Variants in BTBD9 observed in about 807,000 individuals in gnomAD.
BTBD9 encodes BTB domain containing 9, also known as BTB/POZ domain-containing protein 9.
A neutral mutation model predicts 64.3 loss-of-function variants in BTBD9; 49 were observed. The observed-to-expected ratio is 0.76, with a 90% confidence interval of 0.61 to 0.97. The LOEUF (loss-of-function observed/expected upper bound fraction) is 0.97. Ranked by LOEUF, BTBD9 falls within the 50% of genes least tolerant of loss-of-function variation. The pLI is 0.00. For missense variants in BTBD9, 598 were observed against 762.1 expected, an observed-to-expected ratio of 0.78 and a Z score of 2.53; for synonymous variants, 260 against 274.7, an observed-to-expected ratio of 0.95 and a Z score of 0.53.
At chr6:38,617,265 T>C (rs112221312) in intron 1 of BTBD9, among the ~76,000 whole-genome samples, 2,386 of 152,238 alleles carry the variant, frequency 0.016, 43 homozygotes, top group African/African-American at 0.053. Context: ...AAAAAGTTGG[T>C]TGACCCTGCA....
At chr6:38,601,940 A>G (rs1051534092) in intron 1 of BTBD9, among the ~76,000 whole-genome samples, 1 of 152,250 alleles carries the variant, frequency 6.6e-6, no homozygotes, top group African/African-American at 2.4e-5. Flanking sequence ...TCTGCAATTT[A>G]TAATTGCAAA....
chr6:38,529,515 A>G (rs1773682842), intron 6 of BTBD9, among the ~76,000 whole-genome samples: 1 of 152,138 alleles, frequency 6.6e-6, no homozygotes. Flanking sequence ...CAAATACCTA[A>G]TCTCAGTGTC....
chr6:38,421,866 T>A (rs1767917996), intron 6 of BTBD9, among the ~76,000 whole-genome samples: 1 of 152,166 alleles, frequency 6.6e-6, no homozygotes, highest in South Asian at 2.1e-4. Context: ...AGTATAAATA[T>A]GAAATGCAGA....
intron 6 of BTBD9, among the ~76,000 whole-genome samples, chr6:38,571,005 G>A (rs879531353): frequency 6.6e-6 from 1 of 152,206 alleles, no homozygotes; most frequent in East Asian, 1.9e-4. Flanking sequence ...AGAAGAAAAT[G>A]TTCCTCTATG....
At chr6:38,180,296 G>A (rs548312444) in intron 10 of BTBD9, among the ~76,000 whole-genome samples, 7 of 152,340 alleles carry the variant, frequency 4.6e-5, no homozygotes, top group African/African-American at 7.2e-5. Context: ...TGGTGGCCAC[G>A]CTGCTGGGGC....
intron 10 of BTBD9, chr6:38,179,601 C>T (rs1413897220): frequency 2.2e-6 from 1 of 456,792 alleles, no homozygotes; most frequent in Admixed American, 2.3e-5. Context: ...CAGGACCTCT[C>T]AGGCAGTTGG....
At chr6:38,546,452 A>G (rs1774558573) in intron 6 of BTBD9, among the ~76,000 whole-genome samples, 1 of 152,188 alleles carries the variant, frequency 6.6e-6, no homozygotes, top group Admixed American at 6.5e-5. Context: ...TTTTAATGCA[A>G]ATATACTTCA....
intron 6 of BTBD9, among the ~76,000 whole-genome samples, chr6:38,507,809 A>G (rs917034276): frequency 4.0e-5 from 6 of 151,474 alleles, no homozygotes; most frequent in African/African-American, 1.5e-4. Flanking sequence ...GTTACTATCA[A>G]TATGAAAATG....
rs151178015 is a variant in BTBD9 at position 38,184,839 on chromosome 6, G to A, written c.1641+7680C>T. On this transcript the variant is annotated intron_variant, in intron 10 of 10. Coordinates refer to ENST00000481247, the MANE Select transcript of BTBD9 (RefSeq NM_001099272.2). This position sits in a 1 kb window ranked among gnomAD's most constrained non-coding sequence, Gnocchi z 4.4. ...TAGAGCCACATGTTGCTATGGGAAC[G>A]AGGGTGGCATGGGAGCCCAGAGCCA... Among the ~76,000 whole-genome samples the A allele has an allele frequency of 1.2e-3, 177 of 152,238 alleles. 1 individual carries two copies. Among genetic ancestry groups the A allele is most frequent in the Admixed American group, 2.7e-3 (42 of 15,296 alleles).
At chr6:38,416,134 C>A (rs1214983915) in intron 6 of BTBD9, among the ~76,000 whole-genome samples, 4 of 152,242 alleles carry the variant, frequency 2.6e-5, no homozygotes, top group African/African-American at 9.6e-5. Flanking sequence ...TGATTAGCCA[C>A]TGGGAGGTGG....
intron 9 of BTBD9, among the ~76,000 whole-genome samples, chr6:38,221,839 G>A (rs1763207432): frequency 6.6e-6 from 1 of 151,874 alleles, no homozygotes; most frequent in Non-Finnish European, 1.5e-5. Context: ...AAAAATACAG[G>A]AATTAGCCAG....
chr6:38,588,736 TC>T (rs1203906496), intron 4 of BTBD9, among the ~76,000 whole-genome samples: 1 of 152,188 alleles, frequency 6.6e-6, no homozygotes, highest in Non-Finnish European at 1.5e-5. Context: ...TATAGCAACT[TC>T]TTAGTTATTT....
In BTBD9 at chr6:38,288,283, A is replaced by C. The variant is rs1761823211; in HGVS notation, c.1443T>G (p.Ile481Met). Reference protein sequence around the residue: ...IVVQLAQPYMIGSIRLLLWDC... With the variant: ...IVVQLAQPYMMGSIRLLLWDC... ...AGGAATCTTCTTACCGTATTGACCC[A>C]ATCATGTACGGTTGTGCCAACTGAA... Residue 481 changes from isoleucine to methionine, a missense_variant, in exon 8 of 11, where the codon ATT (isoleucine) becomes ATG (methionine). By Grantham distance (10) the Ile-to-Met change is conservative. Coordinates refer to ENST00000481247, the MANE Select transcript of BTBD9 (RefSeq NM_001099272.2). 10 of 1,613,904 alleles carry C rather than the reference A, an allele frequency of 6.2e-6. No homozygotes were observed. The East Asian group carries it at 1.8e-4, about 29-fold the overall frequency.
At chr6:38,610,710 A>C (rs190571966) in intron 1 of BTBD9, among the ~76,000 whole-genome samples, 1 of 152,302 alleles carries the variant, frequency 6.6e-6, no homozygotes, top group East Asian at 1.9e-4. Flanking sequence ...GTAGTCCTTC[A>C]AGCTCTAAAA....
In BTBD9 at chr6:38,513,311, G is replaced by A. The variant is rs368388658; in HGVS notation, c.1154+64289C>T. Among the ~76,000 whole-genome samples the A allele has an allele frequency of 1.4e-4, 21 of 152,204 alleles. 1 individual carries two copies. Among genetic ancestry groups the A allele is most frequent in the African/African-American group, 4.8e-4 (20 of 41,538 alleles). On this transcript the variant is annotated intron_variant, in intron 6 of 10. Transcript: ENST00000481247. ...AAATACAAAAAAATTAGCCGGGCAT[G>A]GTGGTGCATGCCTATAGTCCCAGCT...
At chr6:38,439,451 GA>G (rs1451431143) in intron 6 of BTBD9, among the ~76,000 whole-genome samples, 1 of 150,500 alleles carries the variant, frequency 6.6e-6, no homozygotes, top group African/African-American at 2.5e-5. Context: ...GTTTTTGACA[GA>G]GTCACACTCT....
chr6:38,300,077 G>A (rs1240150753), intron 7 of BTBD9, among the ~76,000 whole-genome samples: 2 of 152,100 alleles, frequency 1.3e-5, no homozygotes, highest in African/African-American at 4.8e-5. Flanking sequence ...TCTACATATG[G>A]CTAGCCAGTT....
chr6:38,441,884 A>T (rs1391556994), intron 6 of BTBD9, among the ~76,000 whole-genome samples: 1 of 152,190 alleles, frequency 6.6e-6, no homozygotes, highest in East Asian at 1.9e-4. Context: ...AACAAAAGTT[A>T]AAGTCATACA....
At position 38,171,558 on chromosome 6, in the gene BTBD9, GT is replaced by G. The variant is rs1202661705; in HGVS notation, c.*3426del. ...GCACTGAGAAAATGGTAAAACGGGTGTGTGTGTGTGTGTGTGTGTGTGTGTG... is the reference window on the plus strand; with the variant it reads ...GCACTGAGAAAATGGTAAAACGGGTGGTGTGTGTGTGTGTGTGTGTGTGTG... On this transcript the variant is annotated 3_prime_UTR_variant, in exon 11 of 11. Transcript: ENST00000481247. 2.4e-3 allele frequency: 1 copy of G among 412 alleles called. No individual in the cohort carries two copies. Among genetic ancestry groups the G allele is most frequent in the Non-Finnish European group, 7.4e-3 (1 of 136 alleles). 0.0% of individuals were successfully genotyped at this position (412 alleles called of 1,614,324 possible). A position where few individuals can be genotyped will look rare whatever the true frequency, so the allele number is the denominator to read the frequency against.
Sources: gnomAD v4.1 joint callset for allele counts (sites outside exome capture counted in the v4.1 genomes callset) on GRCh38, gnomAD v4.1.1 for gene constraint, Gnocchi (gnomAD v3.1) non-coding constraint, MANE v1.5 for transcripts, NCBI Gene and HGNC (gene_info 2026-07-23, HGNC 2026-07-21) for gene names.